The following LDHAL6A variants were observed in gnomAD, a reference collection of about 807,000 sequenced individuals.
The protein encoded by LDHAL6A is lactate dehydrogenase A like 6A.
A neutral mutation model predicts 28.2 loss-of-function variants in LDHAL6A; 19 were observed. That is an observed-to-expected ratio of 0.67 (90% CI 0.47 to 0.99). LDHAL6A has a LOEUF of 0.99. Ranked by LOEUF, LDHAL6A falls within the 50% of genes least tolerant of loss-of-function variation. LDHAL6A has a pLI of 0.00. For missense variants in LDHAL6A, 372 were observed against 398.6 expected, an observed-to-expected ratio of 0.93 and a Z score of 0.57; for synonymous variants, 144 against 134.4, an observed-to-expected ratio of 1.07 and a Z score of -0.49.
chr11:18,456,694 A>T lies in LDHAL6A; in HGVS notation c.14A>T (p.Lys5Met). Residue 5 changes from lysine (K) to methionine (M), a missense_variant, in exon 1 of 7, where the codon AAG becomes ATG. Coordinates refer to ENST00000280706, the MANE Select transcript of LDHAL6A (RefSeq NM_144972.5). Reference sequence around the variant, plus strand: ...TAGGTTTCCAAGATGGCAACTATCAAGAGTGAACTTATTAAGAATTTCGCG... The same window carrying T: ...TAGGTTTCCAAGATGGCAACTATCATGAGTGAACTTATTAAGAATTTCGCG... MATI[K>M]SELIKNFAEE... 1.2e-6 allele frequency: 2 copies of T among 1,614,038 alleles called. No individual in the cohort carries two copies. The highest frequency in any genetic ancestry group is 1.7e-6 in the Non-Finnish European group (2 of 1,179,942).
At chr11:18,464,153 T>C (rs1848991802) in intron 2 of LDHAL6A, 75 bp downstream of exon 2, 7 of 1,038,440 alleles carry the variant, frequency 6.7e-6, no homozygotes, top group Non-Finnish European at 1.0e-5. Flanking sequence ...TCTTTATTTC[T>C]TTTGACCTCC....
intron 1 of LDHAL6A, among the ~76,000 whole-genome samples, 181 bp from the exon 2 acceptor site, chr11:18,463,773 CTTTGTAA>C (rs1299701731): frequency 6.6e-6 from 1 of 152,146 alleles, no homozygotes; most frequent in Non-Finnish European, 1.5e-5. Context: ...AAATGCTCCT[CTTTGTAA>C]TTTGTATTTT....
intron 3 of LDHAL6A, 49 bp from the exon 4 acceptor site, chr11:18,475,417 A>AT (rs1491215262): frequency 1.4e-6 from 2 of 1,420,586 alleles, no homozygotes; most frequent in Non-Finnish European, 1.9e-6. Flanking sequence ...TCTAAAAAAC[A>AT]TATCCTTGTA....
At chr11:18,465,919 TGCC>T in intron 3 of LDHAL6A, 109 bp downstream of exon 3, 3 of 878,670 alleles carry the variant, frequency 3.4e-6, no homozygotes, top group Non-Finnish European at 5.3e-6. Flanking sequence ...GGATTGATCC[TGCC>T]ACCCAGGTAC....
At chr11:18,458,955 G>A in intron 1 of LDHAL6A, among the ~76,000 whole-genome samples, 1 of 152,180 alleles carries the variant, frequency 6.6e-6, no homozygotes, top group East Asian at 1.9e-4. Context: ...AGGAAAGGGA[G>A]TCCAGAGAGA....
rs1284489571 is a variant in LDHAL6A, at chr11:18,479,041, A to C, written c.*171A>C. ...TTTTTTTCTTTTTTGGGAGGGTCTCATTCTGTCACCCAGGCTGGAGTGCAG... is the reference window on the plus strand; with the variant it reads ...TTTTTTTCTTTTTTGGGAGGGTCTCCTTCTGTCACCCAGGCTGGAGTGCAG... On this transcript the variant is annotated 3_prime_UTR_variant, in exon 7 of 7. Coordinates refer to ENST00000280706, the MANE Select transcript of LDHAL6A (RefSeq NM_144972.5). The C allele has an allele frequency of 1.5e-5, 8 of 535,634 alleles. No homozygotes were observed. The highest frequency in any genetic ancestry group is 2.2e-5 in the Non-Finnish European group (7 of 311,820). 33.2% of individuals were successfully genotyped at this position (535,634 alleles called of 1,614,324 possible).
Position 18,456,851 on chromosome 11 carries a change from C to T in LDHAL6A, c.126+45C>T, listed in dbSNP as rs540991188. 5.3e-5 allele frequency: 84 copies of T among 1,583,358 alleles called. No individual in the cohort carries two copies. In the Middle Eastern group the frequency reaches 6.9e-4, roughly 13 times the overall value. ...CCACAGGGTTCACCTCAGTTGGAGG[C>T]GAGGCCACAGCGTATGGTTGTGGAG... On this transcript the variant is annotated intron_variant, in intron 1 of 6. Coordinates refer to ENST00000280706, the MANE Select transcript of LDHAL6A (RefSeq NM_144972.5).
chr11:18,465,169 G>A (rs2133871311), intron 2 of LDHAL6A, among the ~76,000 whole-genome samples: 1 of 151,886 alleles, frequency 6.6e-6, no homozygotes, highest in South Asian at 2.1e-4. Context: ...GTCTCGCTCT[G>A]TCACCCAGGT....
intron 1 of LDHAL6A, among the ~76,000 whole-genome samples, 190 bp from the exon 2 acceptor site, chr11:18,463,771 C>T (rs1848982239): frequency 1.3e-5 from 2 of 152,134 alleles, no homozygotes; most frequent in African/African-American, 4.8e-5. Context: ...TGAAATGCTC[C>T]TCTTTGTAAT....
intron 3 of LDHAL6A, among the ~76,000 whole-genome samples, chr11:18,471,762 T>TTA (rs1554967930): frequency 3.4e-5 from 4 of 119,002 alleles, no homozygotes; most frequent in African/African-American, 6.3e-5. Context: ...CTGTCTCTAT[T>TTA]AAAAAAAAAA....
At chr11:18,469,446 C>G (rs1210214507) in intron 3 of LDHAL6A, among the ~76,000 whole-genome samples, 1 of 152,182 alleles carries the variant, frequency 6.6e-6, no homozygotes, top group Non-Finnish European at 1.5e-5. Context: ...CTTCTCTATG[C>G]ATTATGGCAG....
At chr11:18,477,452 T>TAAA (rs112745078) in intron 5 of LDHAL6A, among the ~76,000 whole-genome samples, 168 bp from the exon 6 acceptor site, 20 of 144,432 alleles carry the variant, frequency 1.4e-4, no homozygotes, top group South Asian at 4.4e-4. Flanking sequence ...GAGCAAGACT[T>TAAA]AAAAAAAAAA....
rs1377413984 is a variant in LDHAL6A at position 18,478,716 on chromosome 11, G to GAAT, written c.848_850dup (p.Ile283dup). ...AGTCTTTACTTTCAGGGCCTCTATG[G>GAAT]AATAAATGAAGACATATTCCTTAGT... On this transcript the variant is annotated inframe_insertion, in exon 7 of 7. Coordinates refer to ENST00000280706, the MANE Select transcript of LDHAL6A (RefSeq NM_144972.5). 3.1e-6 allele frequency: 5 copies of GAAT among 1,607,418 alleles called. No homozygotes were observed. In the African/African-American group the frequency reaches 5.4e-5, roughly 17 times the overall value.
intron 3 of LDHAL6A, among the ~76,000 whole-genome samples, chr11:18,466,400 C>T (rs897558101): frequency 1.3e-5 from 2 of 152,018 alleles, no homozygotes; most frequent in African/African-American, 4.8e-5. Flanking sequence ...AGCCTGTAAT[C>T]CCAGCACTTT....
chr11:18,477,601 T>C lies in LDHAL6A; in HGVS notation c.711-19T>C, dbSNP rs1272927279. On this transcript the variant is annotated intron_variant, in intron 5 of 6. Coordinates refer to ENST00000280706, the MANE Select transcript of LDHAL6A (RefSeq NM_144972.5). ...ACAAGTGCATCTTAACTTATGTTTA[T>C]GGTTTCTTCTATCTACAGTGGCTAT... 5.1e-6 allele frequency: 8 copies of C among 1,581,806 alleles called. No individual in the cohort carries two copies. The South Asian group carries it at 9.4e-5, about 19-fold the overall frequency.
intron 4 of LDHAL6A, 44 bp from the exon 5 acceptor site, chr11:18,476,340 C>A: frequency 6.3e-7 from 1 of 1,596,468 alleles, no homozygotes; most frequent in South Asian, 1.1e-5. Flanking sequence ...CAAAACCCTG[C>A]TAATACCATG....
In LDHAL6A at chr11:18,467,944, CATATATATAT is replaced by C. The variant is rs36151265; in HGVS notation, c.418+2136_418+2145del. 4.2e-4 allele frequency among the ~76,000 whole-genome samples: 24 copies of C among 56,726 alleles called. No homozygotes were observed. The East Asian group carries it at 7.9e-3, about 19-fold the overall frequency. 37.2% of individuals were successfully genotyped at this position (56,726 alleles called of 152,430 possible). A position where few individuals can be genotyped will look rare whatever the true frequency, so the allele number is the denominator to read the frequency against. On this transcript the variant is annotated intron_variant, in intron 3 of 6. Coordinates refer to ENST00000280706, the MANE Select transcript of LDHAL6A (RefSeq NM_144972.5). ...ACACACACATATATATATACACACACATATATATATACGTATATATATACGTATATATATA... is the reference window on the plus strand; with the variant it reads ...ACACACACATATATATATACACACACACGTATATATATACGTATATATATA...
intron 2 of LDHAL6A, among the ~76,000 whole-genome samples, chr11:18,464,980 T>TTTTTCG (rs1565068703): frequency 7.4e-6 from 1 of 135,882 alleles, no homozygotes; most frequent in Admixed American, 7.4e-5. Context: ...TTTTTTTGTT[T>TTTTTCG]TTTTTTGTTT....
rs1161164040 is a variant in LDHAL6A at position 18,467,880 on chromosome 11, CATATATATATAT to C, written c.418+2098_418+2109del. Among the ~76,000 whole-genome samples, 29 of 44,404 alleles carry C rather than the reference CATATATATATAT, an allele frequency of 6.5e-4. 3 individuals are homozygous for C. The highest frequency in any genetic ancestry group is 1.6e-3 in the Admixed American group (5 of 3,088). 29.1% of individuals were successfully genotyped at this position (44,404 alleles called of 152,430 possible). On this transcript the variant is annotated intron_variant, in intron 3 of 6. Coordinates refer to ENST00000280706, the MANE Select transcript of LDHAL6A (RefSeq NM_144972.5). ...CAAAAAAAATATATATATATACACA[CATATATATATAT>C]ATATATATATATATATATATATATA...
Sources: allele counts gnomAD v4.1 joint callset (sites outside exome capture counted in the v4.1 genomes callset), GRCh38; gene constraint gnomAD v4.1.1; transcripts MANE v1.5; gene names NCBI Gene and HGNC (gene_info 2026-07-23, HGNC 2026-07-21).